The following MYO9A variants were observed in gnomAD, a reference collection of about 807,000 sequenced individuals.
MYO9A encodes the protein unconventional myosin-IXa.
MYO9A carries 103 observed loss-of-function variants against 293.3 expected under a neutral mutation model. The ratio of observed to expected loss-of-function variants is 0.35; its 90% CI spans 0.30 to 0.41. The LOEUF is 0.41. Among genes scored for constraint, MYO9A ranks in the 10% least tolerant of loss-of-function variants. MYO9A has a pLI of 1.00. For missense variants in MYO9A, 2,685 were observed against 3,033.0 expected (o/e 0.89, Z 2.69); for synonymous variants, 1,001 against 1,035.7 (o/e 0.97, Z 0.64).
At chr15:71,866,652 TA>T (rs749261485) in intron 32 of MYO9A, among the ~76,000 whole-genome samples, 3 of 152,062 alleles carry the variant, frequency 2.0e-5, no homozygotes, top group Non-Finnish European at 4.4e-5. Context: ...AATTTATAAA[TA>T]TAAGGTAATA....
At chr15:71,949,930 C>T (rs2059014394) in intron 15 of MYO9A, among the ~76,000 whole-genome samples, 1 of 152,052 alleles carries the variant, frequency 6.6e-6, no homozygotes. Flanking sequence ...CAATTCTTAC[C>T]CACTGCTTTA....
rs1318144856 is a variant in MYO9A, at chr15:71,947,922, G to T, written c.2302+3855C>A. The stretch of plus-strand genomic sequence containing the variant: ...CTTTCTAGGGCTCCTGTCATTTCTG[G>T]AAGTGAGCTGTAGCTCATGCTCCCC... On this transcript the variant is annotated intron_variant, in intron 15 of 41. Transcript: ENST00000356056. Among the ~76,000 whole-genome samples the T allele has an allele frequency of 2.0e-5, 3 of 152,136 alleles. No individual in the cohort carries two copies. In the East Asian group the frequency reaches 5.8e-4, roughly 29 times the overall value.
intron 2 of MYO9A, among the ~76,000 whole-genome samples, chr15:72,042,598 C>T (rs988972463): frequency 1.3e-5 from 2 of 150,504 alleles, no homozygotes; most frequent in Non-Finnish European, 2.9e-5. Flanking sequence ...AGATCAGAAA[C>T]GAGACAAGGA....
intron 27 of MYO9A, among the ~76,000 whole-genome samples, chr15:71,886,984 G>C (rs964759530): frequency 6.6e-6 from 1 of 151,986 alleles, no homozygotes; most frequent in African/African-American, 2.4e-5. Context: ...ACATAATCTT[G>C]TAAGTTTTCT....
At chr15:72,096,275 C>G (rs549567546) in intron 1 of MYO9A, among the ~76,000 whole-genome samples, 1 of 152,096 alleles carries the variant, frequency 6.6e-6, no homozygotes, top group East Asian at 1.9e-4. Context: ...GAGGCAGAGG[C>G]TGTAGTTAGT....
intron 1 of MYO9A, among the ~76,000 whole-genome samples, chr15:72,068,482 TTC>T (rs2079085970): frequency 7.9e-6 from 1 of 126,476 alleles, no homozygotes. Flanking sequence ...AGATCCCAAT[TTC>T]TCTTTTTTTT....
At chr15:71,927,399 G>A (rs944199995) in intron 18 of MYO9A, among the ~76,000 whole-genome samples, 1 of 152,098 alleles carries the variant, frequency 6.6e-6, no homozygotes, top group African/African-American at 2.4e-5. Context: ...CGTTATCTGT[G>A]TTTTGGGGGT....
chr15:71,917,746 C>A (rs1226614770), intron 18 of MYO9A, among the ~76,000 whole-genome samples: 1 of 151,952 alleles, frequency 6.6e-6, no homozygotes, highest in Non-Finnish European at 1.5e-5. Context: ...AAGAATATAT[C>A]TATACAGATG....
intron 34 of MYO9A, among the ~76,000 whole-genome samples, chr15:71,857,189 A>C (rs969274776): frequency 5.9e-5 from 9 of 152,194 alleles, no homozygotes; most frequent in Admixed American, 2.0e-4. Context: ...ATTTGAAACT[A>C]AGTAATCTAA....
chr15:71,879,499 A>C (rs1168024677), intron 30 of MYO9A, among the ~76,000 whole-genome samples: 3 of 152,198 alleles, frequency 2.0e-5, no homozygotes, highest in Non-Finnish European at 4.4e-5. Flanking sequence ...GGTGGGAAAA[A>C]GCTACTCAAG....
chr15:72,084,329 C>T (rs78002455), intron 1 of MYO9A, among the ~76,000 whole-genome samples: 6,728 of 151,652 alleles, frequency 0.044, 261 homozygotes, highest in East Asian at 0.18. Context: ...TTTTGTTTTC[C>T]ATTTATTTGC....
chr15:71,979,865 A>G (rs1325367560), intron 11 of MYO9A, among the ~76,000 whole-genome samples: 2 of 152,250 alleles, frequency 1.3e-5, no homozygotes, highest in Non-Finnish European at 2.9e-5. Context: ...CTGCTTAAGT[A>G]GGTATAGAGT....
chr15:72,090,273 A>G (rs1276395663), intron 1 of MYO9A, among the ~76,000 whole-genome samples: 2 of 152,190 alleles, frequency 1.3e-5, no homozygotes, highest in Non-Finnish European at 2.9e-5. Context: ...TATTTCTATA[A>G]TATACTAACT....
In MYO9A at chr15:71,899,793, T is replaced by A. The variant is rs771969272; in HGVS notation, c.3364A>T (p.Ile1122Leu). ...CTGTAGGCTTTCCATCTTGCTTGTA[T>A]GCAAATAGCAGCCATGTGCCTGCGC... ...YRRRHMAAIC[I>L]QARWKAYRES... Residue 1122 changes from isoleucine (I) to leucine (L), a missense_variant, in exon 24 of 42, where the codon ATA becomes TTA. Ile to Leu is a conservative substitution (Grantham distance 5, BLOSUM62 2). Coordinates refer to ENST00000356056, the MANE Select transcript of MYO9A (RefSeq NM_006901.4). The A allele has an allele frequency of 6.2e-6, 10 of 1,614,214 alleles. No homozygotes were observed. In the East Asian group the frequency reaches 2.2e-4, roughly 36 times the overall value.
chr15:72,011,327 A>C (rs1206985464), intron 6 of MYO9A, among the ~76,000 whole-genome samples: 1 of 151,194 alleles, frequency 6.6e-6, no homozygotes, highest in African/African-American at 2.4e-5. Context: ...CATCTACATT[A>C]GATATATACA....
chr15:71,890,861 T>G (rs2057155122), intron 26 of MYO9A: 1 of 83,860 alleles, frequency 1.2e-5, no homozygotes, highest in African/African-American at 3.7e-5. Context: ...AATCAGTTTG[T>G]CCAGAAAAAA....
At chr15:71,999,745 C>T (rs1260085883) in intron 9 of MYO9A, 106 bp downstream of exon 9, 1 of 749,362 alleles carries the variant, frequency 1.3e-6, no homozygotes, top group Admixed American at 2.9e-5. Context: ...TCAATCAAAA[C>T]TTTTTGCCAT....
intron 34 of MYO9A, among the ~76,000 whole-genome samples, chr15:71,855,572 T>C (rs930880908): frequency 6.6e-6 from 1 of 152,226 alleles, no homozygotes; most frequent in Non-Finnish European, 1.5e-5. Context: ...GAAAATTGTT[T>C]TGCAAATCTG....
chr15:71,930,643 A>T (rs1437830734), intron 18 of MYO9A, among the ~76,000 whole-genome samples: 1 of 152,034 alleles, frequency 6.6e-6, no homozygotes, highest in Non-Finnish European at 1.5e-5. Flanking sequence ...CTCTTTTTTT[A>T]ATGCATTCAG....
Sources: allele counts gnomAD v4.1 joint callset (sites outside exome capture counted in the v4.1 genomes callset), GRCh38; gene constraint gnomAD v4.1.1; transcripts MANE v1.5; gene names NCBI Gene and HGNC (gene_info 2026-07-23, HGNC 2026-07-21).